EIF2AK2: variants seen among roughly 807,000 people sequenced by gnomAD.
EIF2AK2 encodes the protein interferon-induced, double-stranded RNA-activated protein kinase.
A neutral mutation model predicts 70.5 loss-of-function variants in EIF2AK2; 40 were observed. The observed-to-expected ratio is 0.57, with a 90% CI of 0.44 to 0.74. The LOEUF (loss-of-function observed/expected upper bound fraction) is 0.74, where lower values mean the gene tolerates loss of function less well. Ranked by LOEUF, EIF2AK2 falls within the 30% of genes least tolerant of loss-of-function variation. The pLI, the probability that EIF2AK2 is intolerant of heterozygous loss-of-function variation, is 0.00. For missense variants in EIF2AK2, 555 were observed against 644.3 expected, an observed-to-expected ratio of 0.86 and a Z score of 1.50; for synonymous variants, 198 against 220.9, an observed-to-expected ratio of 0.90 and a Z score of 0.92.
At chr2:37,112,867 C>A (rs1170750003) in intron 14 of EIF2AK2, among the ~76,000 whole-genome samples, 1 of 152,144 alleles carries the variant, frequency 6.6e-6, no homozygotes, top group Non-Finnish European at 1.5e-5. Context: ...ATTTCCAGAA[C>A]TTTTCATCAC....
At chr2:37,127,618 C>A (rs1381868080) in intron 10 of EIF2AK2, among the ~76,000 whole-genome samples, 2 of 152,092 alleles carry the variant, frequency 1.3e-5, no homozygotes, top group East Asian at 1.9e-4. Flanking sequence ...CTGCTCTGTG[C>A]CCACTCATCC....
chr2:37,125,516 A>G lies in EIF2AK2; in HGVS notation c.908+773T>C, dbSNP rs1643451263. On this transcript the variant is annotated intron_variant, in intron 11 of 16. Transcript: ENST00000233057. ...CTTTTGGATGACTTGTTCTGGGGAC[A>G]ATCCTTCTTGAAACCCAGCCACCAA... Among the ~76,000 whole-genome samples the G allele has an allele frequency of 3.3e-5, 5 of 152,228 alleles. 1 individual carries two copies. The highest frequency in any genetic ancestry group is 2.0e-4 in the Admixed American group (3 of 15,282).
chr2:37,114,728 T>C lies in EIF2AK2; in HGVS notation c.1377+3A>G. On this transcript the variant is annotated splice_donor_region_variant and intron_variant, in intron 14 of 16. Coordinates refer to ENST00000233057, the MANE Select transcript of EIF2AK2 (RefSeq NM_001135651.3). ...ATATAGACAGACAGGAAAGAGACCT[T>C]ACCTGTTCTGGGCTCATGTATCGCA... The C allele has an allele frequency of 6.4e-7, 1 of 1,555,696 alleles. No homozygotes were observed. Among genetic ancestry groups the C allele is most frequent in the Non-Finnish European group, 8.6e-7 (1 of 1,157,112 alleles).
chr2:37,151,851 G>C (rs938964852), intron 1 of EIF2AK2, among the ~76,000 whole-genome samples: 2 of 152,258 alleles, frequency 1.3e-5, no homozygotes, highest in Non-Finnish European at 2.9e-5. Context: ...GGCCGAGGCG[G>C]GCGGATCACG....
At position 37,146,985 on chromosome 2, in the gene EIF2AK2, G is replaced by A. The variant is rs1421884475; in HGVS notation, c.120-12C>T. The A allele has an allele frequency of 1.9e-6, 3 of 1,602,764 alleles. No individual in the cohort carries two copies. Among genetic ancestry groups the A allele is most frequent in the African/African-American group, 2.7e-5 (2 of 74,586 alleles). ...CTTGAAATGTAAACCTGATTACAAA[G>A]AGAATATTCATAAAATATTATACAA... On this transcript the variant is annotated splice_polypyrimidine_tract_variant and intron_variant, in intron 3 of 16. Transcript: ENST00000233057.
intron 13 of EIF2AK2, 116 bp downstream of exon 13, chr2:37,119,843 C>T: frequency 1.9e-6 from 1 of 529,900 alleles, no homozygotes; most frequent in Admixed American, 4.8e-5. Flanking sequence ...CTGCCTGCCT[C>T]AGCCTCCCAA....
chr2:37,114,040 A>C (rs1161818564), intron 14 of EIF2AK2, among the ~76,000 whole-genome samples: 1 of 152,234 alleles, frequency 6.6e-6, no homozygotes, highest in Non-Finnish European at 1.5e-5. Context: ...TAAACAACCT[A>C]AAGAAATACC....
At chr2:37,143,058 C>G (rs1675390881) in intron 4 of EIF2AK2, among the ~76,000 whole-genome samples, 2 of 152,038 alleles carry the variant, frequency 1.3e-5, no homozygotes, top group African/African-American at 4.8e-5. Flanking sequence ...GAAACCCTGT[C>G]TCTACTAAAA....
intron 10 of EIF2AK2, among the ~76,000 whole-genome samples, chr2:37,129,065 C>T (rs149784836): frequency 5.1e-4 from 78 of 151,814 alleles, no homozygotes; most frequent in Admixed American, 3.1e-3. Flanking sequence ...CCCAGATATT[C>T]GGAAAAAATT....
chr2:37,151,464 T>C (rs1675738167), intron 1 of EIF2AK2, among the ~76,000 whole-genome samples: 2 of 152,164 alleles, frequency 1.3e-5, no homozygotes, highest in Non-Finnish European at 2.9e-5. Context: ...TAAGTGTTGG[T>C]GAGGACATGG....
intron 1 of EIF2AK2, among the ~76,000 whole-genome samples, chr2:37,150,999 G>A (rs375387010): frequency 6.6e-6 from 1 of 152,120 alleles, no homozygotes; most frequent in African/African-American, 2.4e-5. Context: ...AAAACTCTTA[G>A]AAGAAAATAT....
At chr2:37,153,484 C>T (rs11894414) in intron 1 of EIF2AK2, among the ~76,000 whole-genome samples, 68,713 of 151,484 alleles carry the variant, frequency 0.45, 16,138 homozygotes, top group East Asian at 0.77. Context: ...GGACCATAGG[C>T]GTGGGCATGC....
chr2:37,137,116 C>A, intron 8 of EIF2AK2, 99 bp from the exon 9 acceptor site: 2 of 966,122 alleles, frequency 2.1e-6, no homozygotes, highest in South Asian at 1.8e-5. Flanking sequence ...GCTCTCTGAC[C>A]AATTTCTTAG....
chr2:37,148,117 A>AGAC (rs974007305), intron 2 of EIF2AK2, among the ~76,000 whole-genome samples: 39 of 152,196 alleles, frequency 2.6e-4, no homozygotes, highest in African/African-American at 9.2e-4. Flanking sequence ...CAGGAGTTCG[A>AGAC]GACCAGCCTG....
chr2:37,126,989 A>AAAAAAAAAAAC (rs1674758932), intron 10 of EIF2AK2, among the ~76,000 whole-genome samples: 1 of 131,092 alleles, frequency 7.6e-6, no homozygotes, highest in Non-Finnish European at 1.7e-5. Context: ...AAAAAAAAAA[A>AAAAAAAAAAAC]AAAAAAAAAA....
rs535266764 is a variant in EIF2AK2 at position 37,142,951 on chromosome 2, G to A, written c.241-1250C>T. ...TTTCATAAGAATCAATGTTGGGGCC[G>A]GGCGCGGTGGCTCACACCTGTAATC... On this transcript the variant is annotated intron_variant, in intron 4 of 16. Coordinates refer to ENST00000233057, the MANE Select transcript of EIF2AK2 (RefSeq NM_001135651.3). 5.8e-4 allele frequency among the ~76,000 whole-genome samples: 88 copies of A among 152,166 alleles called. No individual in the cohort carries two copies. The South Asian group carries it at 0.017, about 29-fold the overall frequency.
chr2:37,153,012 C>T (rs1377112745), intron 1 of EIF2AK2, among the ~76,000 whole-genome samples: 2 of 152,186 alleles, frequency 1.3e-5, no homozygotes, highest in African/African-American at 4.8e-5. Flanking sequence ...AAGATGTCTA[C>T]ACTTACCATC....
At position 37,107,480 on chromosome 2, in the gene EIF2AK2, T is replaced by C. The variant is rs1204942175; in HGVS notation, c.1527A>G (p.Lys509=). 1.2e-6 allele frequency: 2 copies of C among 1,612,576 alleles called. No homozygotes were observed. Among genetic ancestry groups the C allele is most frequent in the Admixed American group, 1.7e-5 (1 of 59,618 alleles). The change falls in exon 16 of 17, where the codon AAA becomes AAG. Residue 509 remains lysine, a synonymous_variant. Coordinates refer to ENST00000233057, the MANE Select transcript of EIF2AK2 (RefSeq NM_001135651.3). ...ATGATTTTCAAGTGCTTACTTCTTT[T>C]TTATCAAATATATCTGAGATGATGC... is the stretch of plus-strand genomic sequence containing the variant. ...RDGIISDIFD[K]KEKTLLQKLL...
At chr2:37,144,156 T>C (rs1675439245) in intron 4 of EIF2AK2, among the ~76,000 whole-genome samples, 1 of 152,154 alleles carries the variant, frequency 6.6e-6, no homozygotes, top group African/African-American at 2.4e-5. Flanking sequence ...CCAGGATAAT[T>C]TTAAACTCCT....
Sources: allele counts gnomAD v4.1 joint callset (sites outside exome capture counted in the v4.1 genomes callset), GRCh38; gene constraint gnomAD v4.1.1; transcripts MANE v1.5; gene names NCBI Gene and HGNC (gene_info 2026-07-23, HGNC 2026-07-21).